The following MYO7B variants were observed in gnomAD, a reference collection of about 807,000 sequenced individuals.
The protein encoded by MYO7B is myosin VIIB.
In MYO7B, 212 loss-of-function variants were observed where a neutral mutation model predicts 259.7. The observed-to-expected ratio is 0.82, with a 90% confidence interval of 0.73 to 0.91. MYO7B has a LOEUF of 0.91. Ranked by LOEUF, MYO7B falls within the 40% of genes least tolerant of loss-of-function variation. The pLI is 0.00. For synonymous variants in MYO7B, 1,197 were observed against 1,166.4 expected (o/e 1.03, Z -0.54); for missense variants, 2,732 against 2,813.5 (o/e 0.97, Z 0.66).
chr2:127,582,403 G>C lies in MYO7B; in HGVS notation c.1300G>C (p.Gly434Arg). ...QDPKNVRRAI[G>R]LLDIFGFENF... The stretch of plus-strand genomic sequence containing the variant: ...CCCCAAAAATGTGCGGAGGGCCATC[G>C]GCCTCCTGGACATATTTGGCTTTGA... Residue 434 changes from glycine to arginine, a missense_variant, in exon 12 of 48, where the codon GGC (glycine) becomes CGC (arginine). Transcript: ENST00000409816. The C allele has an allele frequency of 6.2e-7, 1 of 1,613,384 alleles. No individual in the cohort carries two copies. The highest frequency in any genetic ancestry group is 8.5e-7 in the Non-Finnish European group (1 of 1,179,694).
At position 127,631,269 on chromosome 2, in the gene MYO7B, G is replaced by C. The variant is rs773677025; in HGVS notation, c.5001G>C (p.Leu1667=). The C allele has an allele frequency of 5.0e-6, 8 of 1,612,036 alleles. No homozygotes were observed. In the East Asian group the frequency reaches 1.8e-4, roughly 36 times the overall value. The part of the protein sequence containing the change: ...VLPLARARGH[L]WAYSCEPLRQ... The stretch of plus-strand genomic sequence containing the variant: ...CCCTGGCCCGTGCCCGTGGCCACCT[G>C]TGGGCCTATTCCTGCGAGCCGCTGC... The change falls in exon 37 of 48, where the codon CTG becomes CTC. Residue 1667 remains leucine (L), a synonymous_variant. Coordinates refer to ENST00000409816, the MANE Select transcript of MYO7B (RefSeq NM_001393586.1).
At chr2:127,558,960 G>C (rs554458922) in intron 1 of MYO7B, among the ~76,000 whole-genome samples, 1 of 152,162 alleles carries the variant, frequency 6.6e-6, no homozygotes, top group Non-Finnish European at 1.5e-5. Context: ...CTGGTGATGC[G>C]TGCACCAAAA....
chr2:127,602,298 C>G (rs896701445), intron 19 of MYO7B, among the ~76,000 whole-genome samples: 3 of 152,016 alleles, frequency 2.0e-5, no homozygotes, highest in African/African-American at 7.3e-5. Flanking sequence ...GTCCATTTAC[C>G]TTCTCTCATA....
chr2:127,583,652 G>C (rs1298088786), intron 12 of MYO7B, among the ~76,000 whole-genome samples: 1 of 152,212 alleles, frequency 6.6e-6, no homozygotes, highest in East Asian at 1.9e-4. Flanking sequence ...AGGAAGTGCA[G>C]GTTGGAGTTC....
chr2:127,609,563 G>T lies in MYO7B; in HGVS notation c.2872G>T (p.Ala958Ser), dbSNP rs1293651830. The T allele has an allele frequency of 3.1e-6, 5 of 1,613,984 alleles. No individual in the cohort carries two copies. Among genetic ancestry groups the T allele is most frequent in the Admixed American group, 1.7e-5 (1 of 60,014 alleles). Residue 958 changes from alanine to serine, a missense_variant, in exon 23 of 48, where the codon GCG becomes TCG. Coordinates refer to ENST00000409816, the MANE Select transcript of MYO7B (RefSeq NM_001393586.1). The surrounding 1 kb of genome is among the most constrained non-coding windows in gnomAD (Gnocchi z 6.9). ...GGTTGACCTGGACACAGTCCCCATG[G>T]CGGAGGAGCCTGAGGAGGATGTGGA... Reference protein sequence around the residue: ...LEVDLDTVPMAEEPEEDVDGL... With the variant: ...LEVDLDTVPMSEEPEEDVDGL...
rs1558811093 is a variant in MYO7B, at chr2:127,577,162, T to G, written c.849+454T>G. On this transcript the variant is annotated intron_variant, in intron 8 of 47. Coordinates refer to ENST00000409816, the MANE Select transcript of MYO7B (RefSeq NM_001393586.1). The surrounding 1 kb of genome is among the most constrained non-coding windows in gnomAD (Gnocchi z 5.2). ...CTAGGACAGGGCGGCACCACAGCCA[T>G]CGCTCATTAGCTGAGGCTCCCTGGC... is the stretch of plus-strand genomic sequence containing the variant. Among the ~76,000 whole-genome samples, 1 of 152,140 alleles carries G rather than the reference T, an allele frequency of 6.6e-6. No individual in the cohort carries two copies. Among genetic ancestry groups the G allele is most frequent in the Non-Finnish European group, 1.5e-5 (1 of 68,008 alleles).
chr2:127,539,460 G>A lies in MYO7B; in HGVS notation c.-24+3629G>A, dbSNP rs1420898624. Among the ~76,000 whole-genome samples, 2 of 152,190 alleles carry A rather than the reference G, an allele frequency of 1.3e-5. No individual in the cohort carries two copies. Among genetic ancestry groups the A allele is most frequent in the Non-Finnish European group, 2.9e-5 (2 of 68,034 alleles). ...CAAGGGGAAGACCAGCTTTCCTGTT[G>A]CAATGTCATGAAGGGGATAAAAAGG... is the stretch of plus-strand genomic sequence containing the variant. On this transcript the variant is annotated intron_variant, in intron 1 of 47. Transcript: ENST00000409816. The surrounding 1 kb of genome is among the most constrained non-coding windows in gnomAD (Gnocchi z 4.0).
In MYO7B at chr2:127,613,174, C is replaced by T. The variant is rs900693161; in HGVS notation, c.3398+571C>T. Among the ~76,000 whole-genome samples, 12 of 152,194 alleles carry T rather than the reference C, an allele frequency of 7.9e-5. No individual in the cohort carries two copies. The highest frequency in any genetic ancestry group is 7.8e-4 in the Admixed American group (12 of 15,288). On this transcript the variant is annotated intron_variant, in intron 26 of 47. Coordinates refer to ENST00000409816, the MANE Select transcript of MYO7B (RefSeq NM_001393586.1). This position sits in a 1 kb window ranked among gnomAD's most constrained non-coding sequence, Gnocchi z 4.3. ...TCTTCACATATTTTTCTACCCCATTCTGTCTCTCTCCTTTCCTTCAAAATC... is the reference window on the plus strand; with the variant it reads ...TCTTCACATATTTTTCTACCCCATTTTGTCTCTCTCCTTTCCTTCAAAATC...
At chr2:127,625,651 C>A (rs1681072871) in intron 31 of MYO7B, 116 bp downstream of exon 31, 1 of 1,165,586 alleles carries the variant, frequency 8.6e-7, no homozygotes, top group Non-Finnish European at 1.1e-6. Context: ...CCCTGGGGAA[C>A]AACAAGCCTC....
chr2:127,623,362 C>T lies in MYO7B; in HGVS notation c.3806C>T (p.Ala1269Val). The change falls in exon 29 of 48, where the codon GCC becomes GTC. Residue 1269 changes from alanine to valine, a missense_variant. Physicochemically the swap from Ala to Val is moderately conservative, Grantham distance 64 (BLOSUM62 0). Transcript: ENST00000409816. ...CACCTGGGCTTCTCCCTCCAGGTCG[C>T]CGTGTACGACAAGGTACCAGCCAGG... ...SDHLGFSLQVAVYDKFWSLGS... is the reference protein window; with the variant it reads ...SDHLGFSLQVVVYDKFWSLGS... 6.3e-7 allele frequency: 1 copy of T among 1,593,154 alleles called. No homozygotes were observed. Among genetic ancestry groups the T allele is most frequent in the Non-Finnish European group, 8.5e-7 (1 of 1,170,072 alleles).
chr2:127,563,144 T>G (rs917005347), intron 2 of MYO7B, among the ~76,000 whole-genome samples: 1 of 152,234 alleles, frequency 6.6e-6, no homozygotes, highest in African/African-American at 2.4e-5. Flanking sequence ...CTCTTTTGCC[T>G]CTGACCTACT....
At chr2:127,561,611 A>G (rs780956562) in intron 2 of MYO7B, among the ~76,000 whole-genome samples, 6 of 152,264 alleles carry the variant, frequency 3.9e-5, no homozygotes, top group Non-Finnish European at 7.4e-5. Flanking sequence ...TCTGTGCTGG[A>G]CACTATGCGG....
chr2:127,588,184 C>T (rs1679375648), intron 14 of MYO7B, among the ~76,000 whole-genome samples: 2 of 151,800 alleles, frequency 1.3e-5, no homozygotes, highest in Admixed American at 1.3e-4. Flanking sequence ...AGGGGGGGTC[C>T]AGAGTTTAGA....
Position 127,607,160 on chromosome 2 carries a change from G to A in MYO7B, c.2425-46G>A. The stretch of plus-strand genomic sequence containing the variant: ...GGGAGCACCCCTCTCTGTTTCCTGG[G>A]GAAGGCCTTCTTGCCCCTGATCTCA... On this transcript the variant is annotated intron_variant, in intron 20 of 47. Transcript: ENST00000409816. The surrounding 1 kb of genome is among the most constrained non-coding windows in gnomAD (Gnocchi z 4.4). 2 of 1,504,198 alleles carry A rather than the reference G, an allele frequency of 1.3e-6. No homozygotes were observed. Among genetic ancestry groups the A allele is most frequent in the Non-Finnish European group, 1.8e-6 (2 of 1,118,214 alleles). 93.2% of individuals were successfully genotyped at this position (1,504,198 alleles called of 1,614,324 possible). A position where few individuals can be genotyped will look rare whatever the true frequency, so the allele number is the denominator to read the frequency against.
intron 40 of MYO7B, 30 bp from the exon 41 acceptor site, chr2:127,634,146 C>T (rs1430951224): frequency 1.3e-6 from 2 of 1,547,534 alleles, no homozygotes; most frequent in Non-Finnish European, 1.8e-6. Context: ...TAGCCAGGCC[C>T]CGGGCCTCAC....
intron 6 of MYO7B, among the ~76,000 whole-genome samples, chr2:127,571,293 T>C (rs1057463831): frequency 2.0e-5 from 3 of 152,150 alleles, no homozygotes; most frequent in Non-Finnish European, 4.4e-5. Flanking sequence ...TGGAGCATGC[T>C]TGTAACTCCC....
intron 1 of MYO7B, among the ~76,000 whole-genome samples, chr2:127,536,124 G>A (rs1573593392): frequency 6.6e-6 from 1 of 152,162 alleles, no homozygotes; most frequent in South Asian, 2.1e-4. Flanking sequence ...CAGGTGCCAA[G>A]GCTGCTCCCA....
intron 16 of MYO7B, among the ~76,000 whole-genome samples, chr2:127,591,392 CG>C (rs1437384875): frequency 6.6e-6 from 1 of 152,166 alleles, no homozygotes; most frequent in African/African-American, 2.4e-5. Flanking sequence ...GGCTGAAGCT[CG>C]GGGGTTAAGA....
Position 127,576,779 on chromosome 2 carries a change from T to C in MYO7B, c.849+71T>C. ...AAAAAGAGCTTGTGCCGCTCCACCC[T>C]CCGCGACAGCTGCAGAGAAGCCCAA... On this transcript the variant is annotated intron_variant, in intron 8 of 47. Transcript: ENST00000409816. The surrounding 1 kb of genome is among the most constrained non-coding windows in gnomAD (Gnocchi z 4.9). 1 of 1,141,862 alleles carries C rather than the reference T, an allele frequency of 8.8e-7. No individual in the cohort carries two copies. The highest frequency in any genetic ancestry group is 1.4e-5 in the South Asian group (1 of 69,724). The allele number at this position is 1,141,862 out of a possible 1,614,324, so 70.7% of individuals were successfully genotyped here.
Sources: allele counts gnomAD v4.1 joint callset (sites outside exome capture counted in the v4.1 genomes callset), GRCh38; gene constraint gnomAD v4.1.1; non-coding constraint Gnocchi (gnomAD v3.1); transcripts MANE v1.5; gene names NCBI Gene and HGNC (gene_info 2026-07-23, HGNC 2026-07-21).